SNX29: variants seen among roughly 807,000 people sequenced by gnomAD.
The protein encoded by SNX29 is sorting nexin 29.
In SNX29, 78 loss-of-function variants were observed where a neutral mutation model predicts 102.1. The observed-to-expected ratio is 0.76, with a 90% CI of 0.64 to 0.92. The LOEUF is 0.92. Ranked by LOEUF, SNX29 falls within the 40% of genes least tolerant of loss-of-function variation. The pLI is 0.00. For synonymous variants in SNX29, 580 were observed against 414.5 expected, an observed-to-expected ratio of 1.40 and a Z score of -4.85; for missense variants, 1,280 against 1,061.7, an observed-to-expected ratio of 1.21 and a Z score of -2.86.
chr16:12,531,839 G>C (rs889735475), intron 20 of SNX29, among the ~76,000 whole-genome samples: 1 of 152,210 alleles, frequency 6.6e-6, no homozygotes, highest in African/African-American at 2.4e-5. Flanking sequence ...GGCCGCCTGT[G>C]AGCTGCCTTC....
intron 11 of SNX29, among the ~76,000 whole-genome samples, chr16:12,088,694 C>T (rs2052344425): frequency 1.3e-5 from 2 of 152,204 alleles, no homozygotes; most frequent in African/African-American, 4.8e-5. Context: ...GCCTGTAATC[C>T]CAGCACTTTG....
Position 12,265,483 on chromosome 16 carries a change from A to G in SNX29, c.1679-12450A>G, listed in dbSNP as rs370383131. Among the ~76,000 whole-genome samples the G allele has an allele frequency of 1.5e-4, 23 of 152,258 alleles. No homozygotes were observed. In the East Asian group the frequency reaches 2.3e-3, roughly 15 times the overall value. On this transcript the variant is annotated intron_variant, in intron 14 of 20. Transcript: ENST00000566228. ...CAGGTGAGCAGATTTCTTAGGAAAG[A>G]CACATGAGACATGAAACTTAATGGA...
chr16:12,558,699 C>T (rs1156643425), intron 20 of SNX29, among the ~76,000 whole-genome samples: 1 of 152,190 alleles, frequency 6.6e-6, no homozygotes, highest in African/African-American at 2.4e-5. Flanking sequence ...AATCCACCCC[C>T]ATCCCGTTTC....
chr16:12,318,023 T>G (rs944242671), intron 15 of SNX29, among the ~76,000 whole-genome samples: 1 of 152,212 alleles, frequency 6.6e-6, no homozygotes, highest in Non-Finnish European at 1.5e-5. Flanking sequence ...ACGCCACCGA[T>G]GGAGGACTGA....
rs116039906 is a variant in SNX29, at chr16:12,123,630, G to A, written c.1403-3003G>A. Among the ~76,000 whole-genome samples, 941 of 152,254 alleles carry A rather than the reference G, an allele frequency of 6.2e-3. 10 individuals are homozygous for A. Among genetic ancestry groups the A allele is most frequent in the African/African-American group, 0.022 (895 of 41,536 alleles). On this transcript the variant is annotated intron_variant, in intron 11 of 20. Coordinates refer to ENST00000566228, the MANE Select transcript of SNX29 (RefSeq NM_032167.5). ...CCCTCCTGCTGTTCCGTTTCTCTCC[G>A]TCTGCAGTGTCCTGTGTGGGTACAG... is the stretch of plus-strand genomic sequence containing the variant.
chr16:12,536,642 A>G (rs557314149), intron 20 of SNX29, among the ~76,000 whole-genome samples: 1 of 152,138 alleles, frequency 6.6e-6, no homozygotes, highest in African/African-American at 2.4e-5. Context: ...GTATACAGCT[A>G]ATTTCTGGGT....
intron 14 of SNX29, among the ~76,000 whole-genome samples, chr16:12,275,271 T>A (rs1209489196): frequency 1.3e-5 from 2 of 152,166 alleles, no homozygotes; most frequent in Non-Finnish European, 2.9e-5. Context: ...GCTGTCTGCC[T>A]GCTCTTCTGG....
chr16:12,374,096 C>A (rs1480005925), intron 16 of SNX29, among the ~76,000 whole-genome samples: 1 of 152,230 alleles, frequency 6.6e-6, no homozygotes, highest in African/African-American at 2.4e-5. Flanking sequence ...TCCAGGTCCC[C>A]TCTGGAATAC....
At chr16:12,339,409 AGTTTC>A (rs1253664244) in intron 15 of SNX29, among the ~76,000 whole-genome samples, 3 of 137,566 alleles carry the variant, frequency 2.2e-5, no homozygotes, top group African/African-American at 8.2e-5. Flanking sequence ...ATGGGTAGTG[AGTTTC>A]TTGTGAGTGG....
At chr16:12,440,109 C>T (rs953100952) in intron 18 of SNX29, among the ~76,000 whole-genome samples, 3 of 152,296 alleles carry the variant, frequency 2.0e-5, no homozygotes, top group East Asian at 1.9e-4. Context: ...AAGCTGTGCT[C>T]GCAAAGGGCA....
At chr16:12,418,292 C>T (rs1300470175) in intron 18 of SNX29, among the ~76,000 whole-genome samples, 1 of 152,116 alleles carries the variant, frequency 6.6e-6, no homozygotes, top group Admixed American at 6.5e-5. Context: ...CCAGATTAAC[C>T]TGATCAGGAG....
At chr16:12,538,654 G>C (rs995465507) in intron 20 of SNX29, among the ~76,000 whole-genome samples, 5 of 150,720 alleles carry the variant, frequency 3.3e-5, no homozygotes, top group African/African-American at 9.9e-5. Context: ...CTGTGAAACA[G>C]AAAGATCCAC....
intron 18 of SNX29, among the ~76,000 whole-genome samples, chr16:12,406,536 G>T (rs2151525117): frequency 6.6e-6 from 1 of 152,306 alleles, no homozygotes; most frequent in East Asian, 1.9e-4. Flanking sequence ...CAGGAGAGCG[G>T]TGCTCCCTGG....
chr16:12,066,254 G>C (rs1050500377), intron 9 of SNX29, among the ~76,000 whole-genome samples: 1 of 152,200 alleles, frequency 6.6e-6, no homozygotes, highest in Admixed American at 6.5e-5. Context: ...GTCTGCTGTA[G>C]AAGGCCTCTT....
At chr16:12,537,452 C>T (rs148473083) in intron 20 of SNX29, among the ~76,000 whole-genome samples, 2 of 151,878 alleles carry the variant, frequency 1.3e-5, no homozygotes, top group Non-Finnish European at 2.9e-5. Flanking sequence ...TGAACTTCAC[C>T]TCTGCCTCAG....
intron 15 of SNX29, among the ~76,000 whole-genome samples, chr16:12,329,023 A>C (rs1039491653): frequency 6.6e-6 from 1 of 151,874 alleles, no homozygotes; most frequent in Non-Finnish European, 1.5e-5. Flanking sequence ...TGTAATCCCA[A>C]CACTTTGGGA....
At chr16:12,367,897 T>C (rs532312339) in intron 16 of SNX29, among the ~76,000 whole-genome samples, 1 of 152,232 alleles carries the variant, frequency 6.6e-6, no homozygotes, top group African/African-American at 2.4e-5. Context: ...CTCAGAAATA[T>C]TAGCCTTTGA....
intron 16 of SNX29, among the ~76,000 whole-genome samples, chr16:12,396,651 G>A (rs1051372292): frequency 1.3e-5 from 2 of 152,164 alleles, no homozygotes; most frequent in Non-Finnish European, 2.9e-5. Flanking sequence ...AGAACGGGGC[G>A]TGGCCTTAGA....
At chr16:12,069,157 C>T (rs774402593) in intron 10 of SNX29, 25 bp downstream of exon 10, 3 of 1,591,190 alleles carry the variant, frequency 1.9e-6, no homozygotes, top group African/African-American at 1.3e-5. Flanking sequence ...ACCCAGTTGC[C>T]TGTGGCATTA....
Sources: allele counts gnomAD v4.1 joint callset (sites outside exome capture counted in the v4.1 genomes callset), GRCh38; gene constraint gnomAD v4.1.1; transcripts MANE v1.5; gene names NCBI Gene and HGNC (gene_info 2026-07-23, HGNC 2026-07-21).